NUP160: variants seen among roughly 807,000 people sequenced by gnomAD.
The protein encoded by NUP160 is nuclear pore complex protein Nup160.
A neutral mutation model predicts 196.9 loss-of-function variants in NUP160; 94 were observed. The observed-to-expected ratio is 0.48, with a 90% CI of 0.40 to 0.57. The LOEUF is 0.57. Ranked by LOEUF, NUP160 falls within the 20% of genes least tolerant of loss-of-function variation. NUP160 has a pLI of 0.00. For missense variants in NUP160, 1,638 were observed against 1,748.3 expected, an observed-to-expected ratio of 0.94 and a Z score of 1.13; for synonymous variants, 605 against 619.7, an observed-to-expected ratio of 0.98 and a Z score of 0.35.
intron 20 of NUP160, 140 bp downstream of exon 20, chr11:47,806,013 C>G: frequency 1.4e-6 from 1 of 704,536 alleles, no homozygotes. Context: ...GGGGTTTCAC[C>G]ATGTTGGCCA....
chr11:47,801,784 A>G (rs1399907231), intron 23 of NUP160, 27 bp downstream of exon 23: 1 of 1,609,610 alleles, frequency 6.2e-7, no homozygotes, highest in African/African-American at 1.3e-5. Flanking sequence ...ACAGGGTGGT[A>G]TAAGGCCAAA....
chr11:47,784,268 A>G (rs552581228), intron 33 of NUP160, among the ~76,000 whole-genome samples: 2 of 152,350 alleles, frequency 1.3e-5, no homozygotes, highest in South Asian at 4.1e-4. Context: ...GAAGACTGCC[A>G]TCTGAATAAT....
chr11:47,827,222 T>C (rs1241503155), intron 7 of NUP160: 9 of 446,048 alleles, frequency 2.0e-5, no homozygotes, highest in South Asian at 3.2e-5. Flanking sequence ...AAATTAGCCA[T>C]GTGTGGTCGC....
rs764425158 is a variant in NUP160, at chr11:47,788,631, AT to A, written c.3512-21del. On this transcript the variant is annotated intron_variant, in intron 29 of 35. Transcript: ENST00000378460. ...GATTTGCTATACATCAAAGAAAAAT[AT>A]TTTGAACTCCCAAAATACAAAGAAG... The A allele has an allele frequency of 1.3e-6, 2 of 1,501,012 alleles. No homozygotes were observed. Among genetic ancestry groups the A allele is most frequent in the African/African-American group, 2.8e-5 (2 of 72,652 alleles). 93.0% of individuals were successfully genotyped at this position (1,501,012 alleles called of 1,614,324 possible).
chr11:47,819,578 C>A, intron 9 of NUP160, 120 bp from the exon 10 acceptor site: 1 of 545,652 alleles, frequency 1.8e-6, no homozygotes, highest in South Asian at 3.2e-5. Flanking sequence ...ACTGCTTCAT[C>A]AATTCTATTA....
chr11:47,781,331 T>C (rs2097660709), intron 34 of NUP160, among the ~76,000 whole-genome samples: 1 of 152,082 alleles, frequency 6.6e-6, no homozygotes, highest in Non-Finnish European at 1.5e-5. Context: ...GGCATGATCA[T>C]AGCTCACTGT....
chr11:47,818,847 A>C (rs1192246292), intron 10 of NUP160, among the ~76,000 whole-genome samples: 1 of 152,188 alleles, frequency 6.6e-6, no homozygotes, highest in Admixed American at 6.5e-5. Flanking sequence ...TACCACCAAT[A>C]AACTCTTGGG....
At chr11:47,826,553 G>A (rs1851971030) in intron 7 of NUP160, among the ~76,000 whole-genome samples, 1 of 131,364 alleles carries the variant, frequency 7.6e-6, no homozygotes, top group Non-Finnish European at 1.7e-5. Flanking sequence ...GGTCAGTGAG[G>A]TAAAAATCCC....
At chr11:47,808,967 G>A (rs1456494675) in intron 17 of NUP160, among the ~76,000 whole-genome samples, 1 of 152,058 alleles carries the variant, frequency 6.6e-6, no homozygotes. Context: ...CAGGCATGGT[G>A]GTGGGCGCCT....
chr11:47,801,809 A>G lies in NUP160; in HGVS notation c.2895+2T>C, dbSNP rs755773699. The G allele has an allele frequency of 1.9e-6, 3 of 1,613,786 alleles. No homozygotes were observed. Among genetic ancestry groups the G allele is most frequent in the Non-Finnish European group, 2.5e-6 (3 of 1,179,830 alleles). On this transcript the variant is annotated splice_donor_variant, in intron 23 of 35. Coordinates refer to ENST00000378460, the Ensembl canonical transcript of NUP160. LOFTEE classifies it high-confidence loss of function. ...ATAAGGCCAAACCAAGACATGATGT[A>G]CCTTGTCATAATACTGCAGCCTGGG...
At chr11:47,833,635 T>C (rs1313403194) in intron 7 of NUP160, among the ~76,000 whole-genome samples, 1 of 152,186 alleles carries the variant, frequency 6.6e-6, no homozygotes, top group Non-Finnish European at 1.5e-5. Flanking sequence ...TCACCAATGA[T>C]AATATCATCA....
At chr11:47,793,080 T>C (rs1047113359) in intron 27 of NUP160, 134 bp from the exon 28 acceptor site, 1 of 605,166 alleles carries the variant, frequency 1.7e-6, no homozygotes, top group Non-Finnish European at 2.7e-6. Flanking sequence ...TCCGCCTCCC[T>C]GGTTCAAGCG....
In NUP160 at chr11:47,779,283, AT is replaced by A; in HGVS notation, c.4222-90del. Reference sequence around the variant, plus strand: ...TAATAACTTTGACTTCACCAAGTAGATTCCACCTTATAAAGATGTTAGCCAC... The same window carrying A: ...TAATAACTTTGACTTCACCAAGTAGATCCACCTTATAAAGATGTTAGCCAC... On this transcript the variant is annotated intron_variant, in intron 35 of 35. Coordinates refer to ENST00000378460, the Ensembl canonical transcript of NUP160. 1.4e-5 allele frequency: 11 copies of A among 771,154 alleles called. No individual in the cohort carries two copies. In the South Asian group the frequency reaches 1.9e-4, roughly 13 times the overall value. The allele number at this position is 771,154 out of a possible 1,614,324, so 47.8% of individuals were successfully genotyped here. A position where few individuals can be genotyped will look rare whatever the true frequency, so the allele number is the denominator to read the frequency against.
At chr11:47,786,749 A>G (rs540079099) in intron 31 of NUP160, among the ~76,000 whole-genome samples, 195 bp from the exon 32 acceptor site, 1 of 152,296 alleles carries the variant, frequency 6.6e-6, no homozygotes, top group Admixed American at 6.5e-5. Context: ...ATTAAGAGAC[A>G]ATTTACTTCC....
chr11:47,785,219 C>A (rs976616504), intron 32 of NUP160, among the ~76,000 whole-genome samples, 156 bp from the exon 33 acceptor site: 2 of 151,886 alleles, frequency 1.3e-5, no homozygotes, highest in Non-Finnish European at 2.9e-5. Context: ...CAGCTCACTG[C>A]AGCCTCAGCC....
At chr11:47,802,840 T>C (rs1422306722) in intron 22 of NUP160, among the ~76,000 whole-genome samples, 1 of 151,658 alleles carries the variant, frequency 6.6e-6, no homozygotes, top group African/African-American at 2.4e-5. Flanking sequence ...CCAGGAATGG[T>C]GGCTCACGCC....
chr11:47,815,946 C>T (rs2097684170), exon 12 of NUP160: 1 of 1,610,124 alleles, frequency 6.2e-7, no homozygotes, highest in South Asian at 1.1e-5. Flanking sequence ...CAAGCCTCAC[C>T]TCATTTTCAA....
chr11:47,785,106 T>TTTTTTTTTTTTTTTTTTTTTTTTTTTG, intron 32 of NUP160, 43 bp from the exon 33 acceptor site: 1 of 981,314 alleles, frequency 1.0e-6, no homozygotes, highest in Non-Finnish European at 1.4e-6. Context: ...AGATTCTTAA[T>TTTTTTTTTTTTTTTTTTTTTTTTTTTG]AGCTATTTAG....
intron 2 of NUP160, among the ~76,000 whole-genome samples, chr11:47,845,828 G>A (rs764078121): frequency 2.0e-5 from 3 of 152,052 alleles, no homozygotes; most frequent in Admixed American, 6.6e-5. Context: ...ACGCTACTCC[G>A]CCTGGCTTAT....
Sources: gnomAD v4.1 joint callset for allele counts (sites outside exome capture counted in the v4.1 genomes callset) on GRCh38, gnomAD v4.1.1 for gene constraint, MANE v1.5 for transcripts, NCBI Gene and HGNC (gene_info 2026-07-23, HGNC 2026-07-21) for gene names.